The following LILRB4 variants were observed in gnomAD, a reference collection of about 807,000 sequenced individuals.
The protein encoded by LILRB4 is leukocyte immunoglobulin like receptor B4.
Under a neutral mutation model 55.2 loss-of-function variants are expected in LILRB4, and 49 were observed. That is an observed-to-expected ratio of 0.89 (90% CI 0.71 to 1.13). The LOEUF is 1.13. Among genes scored for constraint, LILRB4 ranks in the 50% most tolerant of loss-of-function variants. LILRB4 has a pLI of 0.00. For missense variants in LILRB4, 590 were observed against 555.2 expected (o/e 1.06, Z -0.63); for synonymous variants, 229 against 213.8 (o/e 1.07, Z -0.62).
In LILRB4 at chr19:54,666,619, A is replaced by G; in HGVS notation, c.989-78A>G. 6.6e-7 allele frequency: 1 copy of G among 1,525,490 alleles called. No individual in the cohort carries two copies. Among genetic ancestry groups the G allele is most frequent in the Non-Finnish European group, 9.0e-7 (1 of 1,107,316 alleles). 94.5% of individuals were successfully genotyped at this position (1,525,490 alleles called of 1,614,324 possible). ...CCTGCGTTGCAGTGGCACTAATGGG[A>G]ACAGGGCAGGGACCAGCAGGAATGA... On this transcript the variant is annotated intron_variant, in intron 9 of 11. Coordinates refer to ENST00000430952, the Ensembl canonical transcript of LILRB4. This position sits in a 1 kb window ranked among gnomAD's most constrained non-coding sequence, Gnocchi z 4.8.
At chr19:54,664,259 G>A (rs150571856) in exon 4 of LILRB4, 896 of 1,614,176 alleles carry the variant, frequency 5.6e-4, no homozygotes, top group Middle Eastern at 2.5e-3. Context: ...TGACCCTGCT[G>A]TGTCAGTCAC....
At chr19:54,667,930 C>T (rs199751676) in exon 12 of LILRB4, 6 of 1,613,514 alleles carry the variant, frequency 3.7e-6, no homozygotes, top group Non-Finnish European at 5.1e-6. Flanking sequence ...CAGCTTTACC[C>T]TCAGACAGAA....
intron 10 of LILRB4, chr19:54,667,053 T>C (rs1469605629): frequency 3.1e-6 from 2 of 645,096 alleles, no homozygotes; most frequent in East Asian, 3.3e-5. Context: ...GGGCTCCCCT[T>C]CATTCATTCA....
rs767737563 is a variant in LILRB4, at chr19:54,666,757, C to A, written c.1041+8C>A. ...GTGGAAATGGACACTCGGGTGAGAA[C>A]CCGCCCCTGTCCCCGGCACCAAAGG... On this transcript the variant is annotated splice_region_variant and intron_variant, in intron 10 of 11. Coordinates refer to ENST00000430952, the Ensembl canonical transcript of LILRB4. This position sits in a 1 kb window ranked among gnomAD's most constrained non-coding sequence, Gnocchi z 4.8. 6.1e-5 allele frequency: 99 copies of A among 1,613,774 alleles called. No individual in the cohort carries two copies. Among genetic ancestry groups the A allele is most frequent in the Admixed American group, 1.2e-4 (7 of 60,008 alleles).
intron 1 of LILRB4, 108 bp downstream of exon 1, chr19:54,663,175 G>A (rs1275293219): frequency 1.1e-5 from 14 of 1,286,790 alleles, no homozygotes; most frequent in East Asian, 9.7e-5. Flanking sequence ...AGCCGGGCGC[G>A]GTGGCTCACG....
intron 3 of LILRB4, 30 bp downstream of exon 3, chr19:54,664,068 A>C (rs2065146394): frequency 6.2e-7 from 1 of 1,609,914 alleles, no homozygotes; most frequent in East Asian, 2.2e-5. Flanking sequence ...TCCCAGCCCC[A>C]GGCTCTGCCC....
exon 12 of LILRB4, chr19:54,668,023 AG>A (rs772752154): frequency 3.1e-6 from 5 of 1,613,752 alleles, no homozygotes; most frequent in African/African-American, 2.7e-5. Flanking sequence ...CCACTAATCC[AG>A]GGGGGACCCA....
rs563299913 is a variant in LILRB4 at position 54,667,841 on chromosome 19, C to T, written c.1198-32C>T. 801 of 1,607,292 alleles carry T rather than the reference C, an allele frequency of 5.0e-4. 3 individuals are homozygous for T. In the African/African-American group the frequency reaches 8.5e-3, roughly 17 times the overall value. ...CCCCAGGCCTCCCCCACCCCCACCA[C>T]GTTCCTTCCCTCTCACTCTCCCCCG... On this transcript the variant is annotated intron_variant, in intron 11 of 11. Transcript: ENST00000430952.
At chr19:54,664,621 C>G (rs1458694336) in intron 4 of LILRB4, 136 bp downstream of exon 4, 10 of 1,072,768 alleles carry the variant, frequency 9.3e-6, no homozygotes, top group Non-Finnish European at 9.4e-6. Flanking sequence ...AGGAGGACAA[C>G]AGGGGCCCTC....
In LILRB4 at chr19:54,664,398, G is replaced by C. The variant is rs11574571; in HGVS notation, c.568G>C (p.Gly190Arg). 4 of 1,613,798 alleles carry C rather than the reference G, an allele frequency of 2.5e-6. No homozygotes were observed. The South Asian group carries it at 3.3e-5, about 13-fold the overall frequency. The change falls in exon 4 of 12, where the codon GGG becomes CGG. Residue 190 changes from glycine to arginine, a missense_variant. Gly to Arg is a moderately radical substitution (Grantham distance 125, BLOSUM62 -2). Transcript: ENST00000430952. ...CATGAGTCCTGTGACCTCAGTGCAC[G>C]GGGGGACCTACAGGTGCTTCAGCTC...
chr19:54,667,064 T>C (rs950173911), intron 10 of LILRB4: 4 of 638,016 alleles, frequency 6.3e-6, no homozygotes, highest in Non-Finnish European at 1.2e-5. Context: ...CATTCATTCA[T>C]CTAGTGAGTG....
At position 54,665,036 on chromosome 19, in the gene LILRB4, A is replaced by AG. The variant is rs1418734435; in HGVS notation, c.707-89dup. ...CCTGAGGCTGGGCTGGTGAGGGGTG[A>AG]GGGGGTCAAGGCTGAAGGAGATGTT... On this transcript the variant is annotated intron_variant, in intron 5 of 11. Coordinates refer to ENST00000430952, the Ensembl canonical transcript of LILRB4. The surrounding 1 kb of genome is among the most constrained non-coding windows in gnomAD (Gnocchi z 5.5). 18 of 1,510,232 alleles carry AG rather than the reference A, an allele frequency of 1.2e-5. No individual in the cohort carries two copies. The highest frequency in any genetic ancestry group is 1.6e-5 in the Non-Finnish European group (18 of 1,092,676). The allele number at this position is 1,510,232 out of a possible 1,614,324, so 93.6% of individuals were successfully genotyped here. A position where few individuals can be genotyped will look rare whatever the true frequency, so the allele number is the denominator to read the frequency against.
chr19:54,668,070 G>A (rs1326764242), exon 12 of LILRB4: 2 of 1,607,572 alleles, frequency 1.2e-6, no homozygotes, highest in South Asian at 1.1e-5. Context: ...GACCCCAGAA[G>A]GCATGGAAGC....
rs1370387144 is a variant in LILRB4, at chr19:54,666,984, G to A, written c.1041+235G>A. 4 of 705,482 alleles carry A rather than the reference G, an allele frequency of 5.7e-6. No homozygotes were observed. The highest frequency in any genetic ancestry group is 1.1e-5 in the Non-Finnish European group (4 of 379,286). The allele number at this position is 705,482 out of a possible 1,614,324, so 43.7% of individuals were successfully genotyped here. A position where few individuals can be genotyped will look rare whatever the true frequency, so the allele number is the denominator to read the frequency against. On this transcript the variant is annotated intron_variant, in intron 10 of 11. Coordinates refer to ENST00000430952, the Ensembl canonical transcript of LILRB4. This position sits in a 1 kb window ranked among gnomAD's most constrained non-coding sequence, Gnocchi z 4.8. The stretch of plus-strand genomic sequence containing the variant: ...TCATCCTCTGTTTGGCCATCTGGTT[G>A]TTAGAGAGCTCCCCAGGCCTCAGGA...
At chr19:54,663,248 C>T (rs746453859) in intron 1 of LILRB4, among the ~76,000 whole-genome samples, 181 bp downstream of exon 1, 37 of 151,858 alleles carry the variant, frequency 2.4e-4, no homozygotes, top group Non-Finnish European at 4.1e-4. Flanking sequence ...AGATCGAGAC[C>T]ATCCTGGCTA....
exon 1 of LILRB4, chr19:54,663,051 G>C (rs36220282): frequency 6.2e-7 from 1 of 1,613,808 alleles, no homozygotes; most frequent in South Asian, 1.1e-5. Flanking sequence ...CCACCTTCAC[G>C]GCTCTGCTCT....
chr19:54,666,635 G>C lies in LILRB4; in HGVS notation c.989-62G>C. Reference sequence around the variant, plus strand: ...ACTAATGGGAACAGGGCAGGGACCAGCAGGAATGAGAGGTCCCAGGGAACC... The same window carrying C: ...ACTAATGGGAACAGGGCAGGGACCACCAGGAATGAGAGGTCCCAGGGAACC... On this transcript the variant is annotated intron_variant, in intron 9 of 11. Transcript: ENST00000430952. This position sits in a 1 kb window ranked among gnomAD's most constrained non-coding sequence, Gnocchi z 4.8. 1.3e-6 allele frequency: 2 copies of C among 1,550,280 alleles called. No homozygotes were observed. Among genetic ancestry groups the C allele is most frequent in the Non-Finnish European group, 1.8e-6 (2 of 1,126,220 alleles).
In LILRB4 at chr19:54,665,134, C is replaced by G; in HGVS notation, c.711C>G (p.Gly237=). The G allele has an allele frequency of 8.7e-6, 14 of 1,608,264 alleles. No homozygotes were observed. Among genetic ancestry groups the G allele is most frequent in the South Asian group, 1.1e-5 (1 of 90,506 alleles). ...CACATCCCTGTTCTAACCCAGCAGG[C>G]CCTGAGGACCAGCCCCTCATGCCTA... is the stretch of plus-strand genomic sequence containing the variant. The change falls in exon 6 of 12, where the codon GGC becomes GGG. Residue 237 remains glycine, a synonymous_variant. Transcript: ENST00000430952. This position sits in a 1 kb window ranked among gnomAD's most constrained non-coding sequence, Gnocchi z 5.5.
rs748757846 is a variant in LILRB4, at chr19:54,665,791, A to G, written c.758-24A>G. On this transcript the variant is annotated intron_variant, in intron 6 of 11. Transcript: ENST00000430952. This position sits in a 1 kb window ranked among gnomAD's most constrained non-coding sequence, Gnocchi z 5.5. ...TGTGCACATCAATGACATCATCCCC[A>G]TTCCTGATGTCATCACGCCCAAGGT... 1.3e-6 allele frequency: 2 copies of G among 1,579,894 alleles called. No homozygotes were observed. Among genetic ancestry groups the G allele is most frequent in the African/African-American group, 1.4e-5 (1 of 73,970 alleles).
Sources: gnomAD v4.1 joint callset for allele counts (sites outside exome capture counted in the v4.1 genomes callset) on GRCh38, gnomAD v4.1.1 for gene constraint, Gnocchi (gnomAD v3.1) non-coding constraint, MANE v1.5 for transcripts, NCBI Gene and HGNC (gene_info 2026-07-23, HGNC 2026-07-21) for gene names.